The following GFI1B variants were observed in gnomAD, a reference collection of about 807,000 sequenced individuals.
The protein encoded by GFI1B is growth factor independent 1B transcriptional repressor, also known as zinc finger protein Gfi-1b.
GFI1B carries 20 observed loss-of-function variants against 35.3 expected under a neutral mutation model. That is an observed-to-expected ratio of 0.57 (90% CI 0.40 to 0.82). The LOEUF is 0.82. GFI1B is among the 40% of genes least tolerant of loss of function. The pLI is 0.00. For synonymous variants in GFI1B, 178 were observed against 177.6 expected (o/e 1.00, Z -0.02); for missense variants, 430 against 446.3 (o/e 0.96, Z 0.33).
intron 1 of GFI1B, among the ~76,000 whole-genome samples, chr9:132,967,605 G>A (rs957936356): frequency 6.6e-6 from 1 of 152,124 alleles, no homozygotes; most frequent in Non-Finnish European, 1.5e-5. Context: ...ACAACATTTG[G>A]GAACTATTGA....
chr9:132,986,630 C>T, intron 1 of GFI1B, 29 bp from the exon 2 acceptor site: 2 of 1,168,790 alleles, frequency 1.7e-6, no homozygotes, highest in Non-Finnish European at 1.3e-6. Context: ...CTTGTCCTTC[C>T]TAACCGCTCC....
At chr9:132,987,142 G>A (rs1456337328) in intron 2 of GFI1B, 140 bp from the exon 3 acceptor site, 13 of 949,152 alleles carry the variant, frequency 1.4e-5, no homozygotes, top group South Asian at 5.6e-5. Flanking sequence ...GGCAGAGCCC[G>A]GGAGTGTGAG....
intron 1 of GFI1B, among the ~76,000 whole-genome samples, chr9:132,982,471 G>A (rs1008764471): frequency 2.6e-5 from 4 of 152,226 alleles, no homozygotes; most frequent in Non-Finnish European, 2.9e-5. Context: ...CACTGACTGA[G>A]ATTCTGACTC....
downstream of GFI1B, among the ~76,000 whole-genome samples, chr9:132,992,016 C>G (rs577421893): frequency 9.2e-5 from 14 of 152,214 alleles, no homozygotes; most frequent in Admixed American, 9.2e-4. Flanking sequence ...ATTCTAGAGG[C>G]CAGAAACTCA....
intron 1 of GFI1B, among the ~76,000 whole-genome samples, chr9:132,964,039 A>G (rs1027115883): frequency 4.6e-5 from 7 of 152,120 alleles, no homozygotes; most frequent in African/African-American, 1.7e-4. Context: ...TCAGGAGTTC[A>G]AGACCAGCCT....
chr9:132,984,143 AT>A (rs1440131222), intron 1 of GFI1B, among the ~76,000 whole-genome samples: 1 of 152,184 alleles, frequency 6.6e-6, no homozygotes, highest in Non-Finnish European at 1.5e-5. Context: ...ATCTTTTGAT[AT>A]TTTGATAGGC....
chr9:132,979,246 CTTT>C (rs34125755), intron 1 of GFI1B, among the ~76,000 whole-genome samples: 16,891 of 95,962 alleles, frequency 0.18, 1,593 homozygotes, highest in East Asian at 0.45. Context: ...TCCTGGGACA[CTTT>C]TTTTTTTTTT....
At chr9:132,973,341 A>G (rs1176037977) in intron 2 of GFI1B, among the ~76,000 whole-genome samples, 1 of 152,194 alleles carries the variant, frequency 6.6e-6, no homozygotes, top group Non-Finnish European at 1.5e-5. Flanking sequence ...GTCCTTATAG[A>G]GGGCCCGTGG....
rs1304184399 is a variant in GFI1B at position 132,988,317 on chromosome 9, G to A, written c.359G>A (p.Arg120Gln). The A allele has an allele frequency of 6.8e-6, 11 of 1,614,040 alleles. No individual in the cohort carries two copies. The highest frequency in any genetic ancestry group is 2.7e-5 in the African/African-American group (2 of 74,916). ...TLATTYGHSYRQAPSTMQSAF... is the reference protein window; with the variant it reads ...TLATTYGHSYQQAPSTMQSAF... ...GCCACAACCTATGGCCACAGCTACCGGCAGGCCCCCTCCACCATGCAGTCA... is the reference window on the plus strand; with the variant it reads ...GCCACAACCTATGGCCACAGCTACCAGCAGGCCCCCTCCACCATGCAGTCA... Residue 120 changes from arginine (R) to glutamine (Q), a missense_variant, in exon 4 of 7, where the codon CGG (arginine) becomes CAG (glutamine). Physicochemically the swap from Arg to Gln is conservative, Grantham distance 43 (BLOSUM62 1). Transcript: ENST00000372122.
At chr9:132,955,757 G>A (rs1564523099) in intron 1 of GFI1B, among the ~76,000 whole-genome samples, 1 of 151,880 alleles carries the variant, frequency 6.6e-6, no homozygotes, top group Non-Finnish European at 1.5e-5. Context: ...GAGTGTATTA[G>A]TAAGAGTTCT....
chr9:132,957,833 G>T (rs1213739741), intron 1 of GFI1B, among the ~76,000 whole-genome samples: 1 of 152,202 alleles, frequency 6.6e-6, no homozygotes, highest in African/African-American at 2.4e-5. Flanking sequence ...AACCAAGCAT[G>T]CTGGGGAAAG....
Position 132,983,396 on chromosome 9 carries a change from T to C in GFI1B, c.-20-3263T>C, listed in dbSNP as rs531649051. Among the ~76,000 whole-genome samples, 7 of 152,034 alleles carry C rather than the reference T, an allele frequency of 4.6e-5. No homozygotes were observed. The East Asian group carries it at 1.4e-3, about 30-fold the overall frequency. ...ATTTTTTGTAGAGACGAGGTTTCAC[T>C]GTGTTGGCTAGGCTGGTCTCGAACT... On this transcript the variant is annotated intron_variant, in intron 1 of 6. Transcript: ENST00000372122.
intron 1 of GFI1B, among the ~76,000 whole-genome samples, chr9:132,971,811 T>A (rs1848536004): frequency 6.7e-6 from 1 of 149,822 alleles, no homozygotes; most frequent in Non-Finnish European, 1.5e-5. Context: ...CTGTCTCCAC[T>A]AAAAATACAA....
intron 1 of GFI1B, among the ~76,000 whole-genome samples, chr9:132,982,808 T>G (rs1199745462): frequency 2.0e-5 from 3 of 152,024 alleles, no homozygotes; most frequent in Non-Finnish European, 4.4e-5. Flanking sequence ...TGTGTCACTG[T>G]CACTTGCCAA....
intron 1 of GFI1B, among the ~76,000 whole-genome samples, chr9:132,983,894 C>T (rs1196615214): frequency 1.3e-5 from 2 of 152,206 alleles, no homozygotes; most frequent in Non-Finnish European, 2.9e-5. Flanking sequence ...CAGTCCTTCC[C>T]TGCTCACTCT....
At chr9:132,961,416 A>G (rs1353258896) in intron 1 of GFI1B, among the ~76,000 whole-genome samples, 2 of 109,066 alleles carry the variant, frequency 1.8e-5, no homozygotes, top group East Asian at 5.3e-4. Context: ...AAAGTCAATT[A>G]TTTGACAAAA....
chr9:132,957,434 G>A (rs963852606), intron 1 of GFI1B, among the ~76,000 whole-genome samples: 5 of 152,300 alleles, frequency 3.3e-5, no homozygotes, highest in South Asian at 2.1e-4. Context: ...GTATGTAGTC[G>A]TTTATGTGTC....
At chr9:132,964,220 AC>A (rs1438957591) in intron 1 of GFI1B, among the ~76,000 whole-genome samples, 1 of 152,240 alleles carries the variant, frequency 6.6e-6, no homozygotes, top group Non-Finnish European at 1.5e-5. Context: ...AGCCTGGGCA[AC>A]AAAAGCAAAA....
At chr9:132,948,142 C>T (rs570958184) in intron 1 of GFI1B, among the ~76,000 whole-genome samples, 4 of 152,070 alleles carry the variant, frequency 2.6e-5, no homozygotes, top group Non-Finnish European at 5.9e-5. Context: ...CTACAGTGGA[C>T]CTGTGACTTG....
Sources: gnomAD v4.1 joint callset for allele counts (sites outside exome capture counted in the v4.1 genomes callset) on GRCh38, gnomAD v4.1.1 for gene constraint, MANE v1.5 for transcripts, NCBI Gene and HGNC (gene_info 2026-07-23, HGNC 2026-07-21) for gene names.